Variants in CDK12 observed in about 807,000 individuals in gnomAD.
The protein encoded by CDK12 is cyclin dependent kinase 12.
Under a neutral mutation model 133.8 loss-of-function variants are expected in CDK12, and 17 were observed. The ratio of observed to expected loss-of-function variants is 0.13; its 90% CI spans 0.09 to 0.19. CDK12 has a LOEUF of 0.19. Ranked by LOEUF, CDK12 falls within the 10% of genes least tolerant of loss-of-function variation. The pLI, the probability that CDK12 is intolerant of heterozygous loss-of-function variation, is 1.00. For missense variants in CDK12, 1,508 were observed against 1,818.7 expected, an observed-to-expected ratio of 0.83 and a Z score of 3.11; for synonymous variants, 694 against 683.6, an observed-to-expected ratio of 1.02 and a Z score of -0.24.
intron 11 of CDK12, among the ~76,000 whole-genome samples, chr17:39,522,526 C>T (rs35701477): frequency 1.3e-5 from 2 of 151,984 alleles, no homozygotes; most frequent in Admixed American, 1.3e-4. Context: ...CCTCCACCTC[C>T]CGGCTTCAAG....
chr17:39,473,031 G>A (rs2049916279), intron 2 of CDK12, among the ~76,000 whole-genome samples: 4 of 151,832 alleles, frequency 2.6e-5, no homozygotes, highest in Admixed American at 1.3e-4. Flanking sequence ...AGTCGAAATC[G>A]CGCCGCTGTA....
rs1463595467 is a variant in CDK12, at chr17:39,511,526, C to T, written c.2667-3C>T. On this transcript the variant is annotated splice_region_variant and splice_polypyrimidine_tract_variant and intron_variant, in intron 7 of 13. Coordinates refer to ENST00000447079, the MANE Select transcript of CDK12 (RefSeq NM_016507.4). ...TATGTCATGGTTGTTTTTTATATTT[C>T]AGTCGCCCTTACACAAACAAAGTCA... is the stretch of plus-strand genomic sequence containing the variant. 1 of 1,585,302 alleles carries T rather than the reference C, an allele frequency of 6.3e-7. No homozygotes were observed. The highest frequency in any genetic ancestry group is 2.2e-5 in the East Asian group (1 of 44,704).
At position 39,462,145 on chromosome 17, in the gene CDK12, C is replaced by T. The variant is rs763482961; in HGVS notation, c.74C>T (p.Ser25Leu). The change falls in exon 1 of 14, where the codon TCG becomes TTG. Residue 25 changes from serine to leucine, a missense_variant. Around this residue, in one of 9 missense-constraint regions of CDK12, gnomAD observed 460 missense variants for 490.8 expected, o/e 0.94. Coordinates refer to ENST00000447079, the MANE Select transcript of CDK12 (RefSeq NM_016507.4). ...GCTTCTGGAACTTTGCAGCCGTCAT[C>T]GGGAGGCGGCAGCTCTAACAGCAGA... ...GGASGTLQPS[S>L]GGGSSNSRER... The T allele has an allele frequency of 7.4e-6, 12 of 1,614,168 alleles. No individual in the cohort carries two copies. Among genetic ancestry groups the T allele is most frequent in the Non-Finnish European group, 1.0e-5 (12 of 1,180,026 alleles).
At chr17:39,493,172 T>TG (rs923839953) in intron 4 of CDK12, among the ~76,000 whole-genome samples, 3 of 150,476 alleles carry the variant, frequency 2.0e-5, no homozygotes, top group African/African-American at 4.9e-5. Context: ...TTTTGTTTTT[T>TG]TTTTTTTTTT....
chr17:39,511,514 T>C lies in CDK12; in HGVS notation c.2667-15T>C, dbSNP rs2053507191. The C allele has an allele frequency of 3.9e-6, 6 of 1,537,926 alleles. No homozygotes were observed. The East Asian group carries it at 1.4e-4, about 35-fold the overall frequency. ...CCACTGTAAGTTTATGTCATGGTTG[T>C]TTTTTATATTTCAGTCGCCCTTACA... On this transcript the variant is annotated splice_polypyrimidine_tract_variant and intron_variant, in intron 7 of 13. Transcript: ENST00000447079.
chr17:39,519,873 T>A, intron 10 of CDK12, 83 bp from the exon 11 acceptor site: 1 of 1,530,300 alleles, frequency 6.5e-7, no homozygotes, highest in Non-Finnish European at 9.0e-7. Flanking sequence ...GAATTACAGG[T>A]GTGAGACCCT....
At chr17:39,554,869 G>C (rs1458924851) in intron 2 of CDK12, among the ~76,000 whole-genome samples, 16 of 145,568 alleles carry the variant, frequency 1.1e-4, no homozygotes, top group African/African-American at 3.6e-4. Context: ...CTTCCAGCCT[G>C]GGCAACAGAG....
At chr17:39,553,834 G>A (rs1462065109) in intron 2 of CDK12, among the ~76,000 whole-genome samples, 1 of 152,064 alleles carries the variant, frequency 6.6e-6, no homozygotes, top group African/African-American at 2.4e-5. Context: ...CAGAGGGGAA[G>A]GGATCCAGGC....
downstream of CDK12, chr17:39,534,898 G>C (rs1046783419): frequency 6.5e-6 from 1 of 152,684 alleles, no homozygotes; most frequent in Non-Finnish European, 1.5e-5. Context: ...TGTCATCAAG[G>C]GAAGTTGGTA....
intron 2 of CDK12, among the ~76,000 whole-genome samples, chr17:39,479,259 G>C (rs564438395): frequency 6.9e-6 from 1 of 145,026 alleles, no homozygotes; most frequent in Non-Finnish European, 1.5e-5. Context: ...AGTGAGCCGC[G>C]ATCATGCCAC....
chr17:39,491,230 G>T (rs765092505), intron 3 of CDK12, among the ~76,000 whole-genome samples: 2 of 151,932 alleles, frequency 1.3e-5, no homozygotes, highest in East Asian at 3.9e-4. Context: ...TATTATTGTC[G>T]TAGTTTTATA....
upstream of CDK12, chr17:39,548,975 C>G (rs1020191773): frequency 6.6e-6 from 1 of 152,300 alleles, no homozygotes; most frequent in Non-Finnish European, 1.5e-5. Context: ...ACAGCTGGCG[C>G]TCCCCCCAGC....
At chr17:39,512,488 C>T (rs1190861416) in intron 8 of CDK12, among the ~76,000 whole-genome samples, 1 of 152,142 alleles carries the variant, frequency 6.6e-6, no homozygotes, top group African/African-American at 2.4e-5. Context: ...TTTGAAACAA[C>T]AAAACAAAAC....
intron 3 of CDK12, among the ~76,000 whole-genome samples, chr17:39,559,460 G>A (rs1287312016): frequency 1.3e-5 from 2 of 152,122 alleles, no homozygotes; most frequent in Non-Finnish European, 2.9e-5. Context: ...TCTTCATGTT[G>A]CCCTTTTATA....
Position 39,519,987 on chromosome 17 carries a change from C to A in CDK12, c.2995C>A (p.His999Asn). 1 of 1,613,898 alleles carries A rather than the reference C, an allele frequency of 6.2e-7. No individual in the cohort carries two copies. Among genetic ancestry groups the A allele is most frequent in the Non-Finnish European group, 8.5e-7 (1 of 1,179,920 alleles). Residue 999 changes from histidine to asparagine, a missense_variant, in exon 11 of 14, where the codon CAC becomes AAC. Physicochemically the swap from His to Asn is moderately conservative, Grantham distance 68 (BLOSUM62 1). Transcript: ENST00000447079. ...IPSAALDLLD[H>N]MLTLDPSKRC... The stretch of plus-strand genomic sequence containing the variant: ...TTCTGCAGCACTTGATTTATTGGAC[C>A]ACATGCTGACACTAGATCCTAGTAA...
At position 39,471,147 on chromosome 17, in the gene CDK12, G is replaced by C. The variant is rs776198483; in HGVS notation, c.1315G>C (p.Asp439His). The change falls in exon 2 of 14, where the codon GAT becomes CAT. Residue 439 changes from aspartate (D) to histidine (H), a missense_variant. Around this residue, in one of 9 missense-constraint regions of CDK12, gnomAD observed 347 missense variants for 330.8 expected, o/e 1.05. Coordinates refer to ENST00000447079, the MANE Select transcript of CDK12 (RefSeq NM_016507.4). ...RKENSSVEAK[D>H]SGLESKKLPR... ...AGAGAACAGTTCAGTAGAGGCTAAG[G>C]ATTCAGGTTTGGAGTCTAAAAAGTT... The C allele has an allele frequency of 1.3e-6, 2 of 1,588,922 alleles. No individual in the cohort carries two copies. The highest frequency in any genetic ancestry group is 1.7e-6 in the Non-Finnish European group (2 of 1,171,442).
At position 39,526,151 on chromosome 17, in the gene CDK12, G is replaced by A. The variant is rs2146720587; in HGVS notation, c.3595G>A (p.Ala1199Thr). 6.2e-7 allele frequency: 1 copy of A among 1,614,162 alleles called. No individual in the cohort carries two copies. Among genetic ancestry groups the A allele is most frequent in the Admixed American group, 1.7e-5 (1 of 60,016 alleles). ...TTCAGCAGAACAGACGACCCTTGAA[G>A]CTTCAAGCACACCAGCTGACATGCA... ...LPSAEQTTLE[A>T]SSTPADMQNI... The change falls in exon 13 of 14, where the codon GCT becomes ACT. Residue 1199 changes from alanine to threonine, a missense_variant. By Grantham distance (58) the Ala-to-Thr change is moderately conservative. Around this residue, in one of 9 missense-constraint regions of CDK12, gnomAD observed 399 missense variants for 469.6 expected, o/e 0.85. Coordinates refer to ENST00000447079, the MANE Select transcript of CDK12 (RefSeq NM_016507.4).
intron 3 of CDK12, chr17:39,557,163 G>T (rs2056191404): frequency 6.6e-6 from 1 of 152,300 alleles, no homozygotes; most frequent in Admixed American, 6.5e-5. Context: ...AAGACAAGAG[G>T]TGCTGGCTTG....
chr17:39,504,212 T>C (rs1263105055), intron 6 of CDK12, among the ~76,000 whole-genome samples: 1 of 152,188 alleles, frequency 6.6e-6, no homozygotes, highest in Non-Finnish European at 1.5e-5. Context: ...CAAATCTCTT[T>C]TGAATATGTC....
Sources: allele counts gnomAD v4.1 joint callset (sites outside exome capture counted in the v4.1 genomes callset), GRCh38; gene constraint gnomAD v4.1.1; regional missense constraint gnomAD v4.1.1; transcripts MANE v1.5; gene names NCBI Gene and HGNC (gene_info 2026-07-23, HGNC 2026-07-21).